The following RALGAPA1 variants were observed in gnomAD, a reference collection of about 807,000 sequenced individuals.
RALGAPA1 encodes the protein ral GTPase-activating protein subunit alpha-1.
In RALGAPA1, 52 loss-of-function variants were observed where a neutral mutation model predicts 269.6. The observed-to-expected ratio is 0.19, with a 90% CI of 0.15 to 0.24. The LOEUF is 0.24. Among genes scored for constraint, RALGAPA1 ranks in the 10% least tolerant of loss-of-function variants. The pLI is 1.00. For missense variants in RALGAPA1, 1,917 were observed against 3,013.9 expected (o/e 0.64, Z 8.52); for synonymous variants, 817 against 1,008.3 (o/e 0.81, Z 3.60).
Position 35,627,482 on chromosome 14 carries a change from T to C in RALGAPA1, c.6465A>G (p.Glu2155=). The C allele has an allele frequency of 6.2e-7, 1 of 1,612,674 alleles. No homozygotes were observed. The highest frequency in any genetic ancestry group is 8.5e-7 in the Non-Finnish European group (1 of 1,179,694). ...AAAGTCCATCTTTTACGGTTATATC[T>C]TCTAAGCATTCATTAGATGTCGGAG... The part of the protein sequence containing the change: ...EEPPTSNECL[E]DITVKDGLSL... Residue 2155 remains glutamate (E), a synonymous_variant, in exon 34 of 42, where the codon GAA becomes GAG. Coordinates refer to ENST00000680220, the MANE Select transcript of RALGAPA1 (RefSeq NM_001346249.2).
chr14:35,671,050 G>T (rs893387100), intron 26 of RALGAPA1, among the ~76,000 whole-genome samples: 6 of 151,816 alleles, frequency 4.0e-5, no homozygotes, highest in Non-Finnish European at 8.8e-5. Flanking sequence ...TATATTCAGG[G>T]TGTACAACAC....
intron 31 of RALGAPA1, among the ~76,000 whole-genome samples, chr14:35,648,297 CA>C (rs1226402024): frequency 1.4e-5 from 2 of 144,588 alleles, no homozygotes; most frequent in African/African-American, 2.6e-5. Flanking sequence ...ACTCCTGTCT[CA>C]AAAAAAAGAA....
intron 1 of RALGAPA1, among the ~76,000 whole-genome samples, chr14:35,792,454 C>T (rs1021249754): frequency 6.6e-6 from 1 of 151,940 alleles, no homozygotes; most frequent in Admixed American, 6.6e-5. Flanking sequence ...ACCATGCCAG[C>T]TAGTGACAAG....
chr14:35,625,565 A>T (rs1258859206), intron 34 of RALGAPA1, 133 bp from the exon 35 acceptor site: 3 of 533,544 alleles, frequency 5.6e-6, no homozygotes, highest in Non-Finnish European at 6.5e-6. Flanking sequence ...CACAAAGGAG[A>T]ACAGACCCTA....
chr14:35,780,818 G>A (rs1377131817), intron 1 of RALGAPA1, among the ~76,000 whole-genome samples: 4 of 152,162 alleles, frequency 2.6e-5, no homozygotes, highest in African/African-American at 9.7e-5. Context: ...TTGGCTGGGT[G>A]CGTTGGTTCA....
chr14:35,557,098 A>ATATGTGTG (rs1555355515), intron 39 of RALGAPA1, among the ~76,000 whole-genome samples: 1 of 142,430 alleles, frequency 7.0e-6, no homozygotes, highest in Non-Finnish European at 1.5e-5. Context: ...TCCAATATGT[A>ATATGTGTG]TGTGTGTGTG....
At chr14:35,542,180 A>G (rs2054070016) in intron 41 of RALGAPA1, 6 of 358,240 alleles carry the variant, frequency 1.7e-5, no homozygotes, top group Admixed American at 4.3e-5. Flanking sequence ...GCATTGTCCA[A>G]TGTGGTAGCC....
intron 26 of RALGAPA1, among the ~76,000 whole-genome samples, chr14:35,669,815 T>A (rs1461211174): frequency 2.0e-5 from 3 of 152,204 alleles, no homozygotes; most frequent in Admixed American, 2.0e-4. Context: ...TTATTCTATA[T>A]CCCTCTGTAT....
chr14:35,725,213 G>C, intron 13 of RALGAPA1, 60 bp from the exon 14 acceptor site: 1 of 1,289,696 alleles, frequency 7.8e-7, no homozygotes, highest in Non-Finnish European at 1.0e-6. Context: ...TTGGTTAATA[G>C]TTAACTTTCA....
chr14:35,649,479 C>T (rs890320782), intron 31 of RALGAPA1, among the ~76,000 whole-genome samples: 1 of 150,978 alleles, frequency 6.6e-6, no homozygotes, highest in Non-Finnish European at 1.5e-5. Flanking sequence ...CTGGCCCCTT[C>T]CTATCTTAGA....
chr14:35,766,319 T>C, intron 4 of RALGAPA1: 1 of 1,064,742 alleles, frequency 9.4e-7, no homozygotes, highest in Non-Finnish European at 1.4e-6. Context: ...CACAGGATCC[T>C]GTTAAACCAT....
intron 39 of RALGAPA1, among the ~76,000 whole-genome samples, chr14:35,562,747 C>A (rs1007204798): frequency 6.6e-6 from 1 of 151,926 alleles, no homozygotes; most frequent in Non-Finnish European, 1.5e-5. Flanking sequence ...CATGGCCGGG[C>A]GTGGTGGCTC....
intron 35 of RALGAPA1, among the ~76,000 whole-genome samples, chr14:35,609,552 A>C (rs2059797106): frequency 6.6e-6 from 1 of 152,206 alleles, no homozygotes. Flanking sequence ...GCCTCTATTA[A>C]AAAAGATTTC....
intron 35 of RALGAPA1, among the ~76,000 whole-genome samples, chr14:35,616,548 T>C (rs1022615984): frequency 6.6e-6 from 1 of 152,134 alleles, no homozygotes; most frequent in African/African-American, 2.4e-5. Flanking sequence ...TCAAAACCAA[T>C]AGAAAGAATG....
intron 37 of RALGAPA1, among the ~76,000 whole-genome samples, chr14:35,576,047 T>C (rs2057538566): frequency 6.6e-6 from 1 of 152,234 alleles, no homozygotes; most frequent in Non-Finnish European, 1.5e-5. Flanking sequence ...CAGTCTAATA[T>C]ATATCTTACC....
intron 41 of RALGAPA1, among the ~76,000 whole-genome samples, chr14:35,544,247 C>G (rs1305501825): frequency 6.6e-6 from 1 of 152,092 alleles, no homozygotes; most frequent in Admixed American, 6.5e-5. Flanking sequence ...AAAGTAAAAC[C>G]CTTAAAATAA....
At chr14:35,558,240 G>T (rs2055825262) in intron 39 of RALGAPA1, among the ~76,000 whole-genome samples, 1 of 152,110 alleles carries the variant, frequency 6.6e-6, no homozygotes, top group Non-Finnish European at 1.5e-5. Flanking sequence ...AAGATGTGCT[G>T]ACTAATTTAT....
At chr14:35,782,303 T>C (rs2075488681) in intron 1 of RALGAPA1, among the ~76,000 whole-genome samples, 1 of 152,272 alleles carries the variant, frequency 6.6e-6, no homozygotes, top group African/African-American at 2.4e-5. Context: ...TACAAAACAT[T>C]ACTGAAAAAA....
At chr14:35,569,522 T>A (rs973844689) in intron 39 of RALGAPA1, among the ~76,000 whole-genome samples, 1 of 152,160 alleles carries the variant, frequency 6.6e-6, no homozygotes, top group Admixed American at 6.5e-5. Flanking sequence ...TCAAAAAGGT[T>A]AAATAATTTT....
Sources: allele counts gnomAD v4.1 joint callset (sites outside exome capture counted in the v4.1 genomes callset), GRCh38; gene constraint gnomAD v4.1.1; transcripts MANE v1.5; gene names NCBI Gene and HGNC (gene_info 2026-07-23, HGNC 2026-07-21).